Variants in ATR observed in about 807,000 individuals in gnomAD.
The protein encoded by ATR is ATR checkpoint kinase.
ATR carries 142 observed loss-of-function variants against 305.3 expected under a neutral mutation model. The ratio of observed to expected loss-of-function variants is 0.47; its 90% confidence interval spans 0.41 to 0.53. The LOEUF is 0.53. ATR is among the 20% of genes least tolerant of loss of function. ATR has a pLI of 0.00. For missense variants in ATR, 2,135 were observed against 3,133.1 expected (o/e 0.68, Z 7.60); for synonymous variants, 1,050 against 1,068.1 (o/e 0.98, Z 0.33).
chr3:142,459,533 CA>C, intron 42 of ATR, 150 bp from the exon 43 acceptor site: 1 of 864,134 alleles, frequency 1.2e-6, no homozygotes, highest in Non-Finnish European at 1.8e-6. Flanking sequence ...ATTAAGCATA[CA>C]TAAAGTTACT....
chr3:142,499,691 C>T lies in ATR; in HGVS notation c.5316G>A (p.Thr1772=), dbSNP rs146463402. 1.7e-5 allele frequency: 28 copies of T among 1,614,048 alleles called. No individual in the cohort carries two copies. Among genetic ancestry groups the T allele is most frequent in the East Asian group, 1.1e-4 (5 of 44,874 alleles). The change falls in exon 31 of 47, where the codon ACG becomes ACA. Residue 1772 remains threonine (T), a synonymous_variant. Coordinates refer to ENST00000350721, the MANE Select transcript of ATR (RefSeq NM_001184.4). ...ATTTCCAAGCTGCTTCCACTCTGTA[C>T]GTGTTTAATTCATCTGTCCACTCGG... ...NRSEWTDELN[T]YRVEAAWKLS...
intron 36 of ATR, among the ~76,000 whole-genome samples, chr3:142,475,416 A>G (rs2071411350): frequency 6.6e-6 from 1 of 152,184 alleles, no homozygotes; most frequent in African/African-American, 2.4e-5. Flanking sequence ...GTCCCTACAA[A>G]GGACATGAAC....
rs190002877 is a variant in ATR at position 142,502,666 on chromosome 3, A to G, written c.5288+696T>C. Among the ~76,000 whole-genome samples the G allele has an allele frequency of 1.0e-3, 157 of 152,310 alleles. 1 individual carries two copies. Among genetic ancestry groups the G allele is most frequent in the African/African-American group, 3.6e-3 (149 of 41,570 alleles). On this transcript the variant is annotated intron_variant, in intron 30 of 46. Transcript: ENST00000350721. Reference sequence around the variant, plus strand: ...AAAAACTTGGCTTCAGAGTAGTCCAAAAACAGTGGCCTGTATAATCTTTGT... The same window carrying G: ...AAAAACTTGGCTTCAGAGTAGTCCAGAAACAGTGGCCTGTATAATCTTTGT...
intron 46 of ATR, chr3:142,450,141 C>T (rs1054661013): frequency 3.0e-5 from 11 of 365,546 alleles, no homozygotes; most frequent in African/African-American, 1.9e-4. Context: ...AAGAGGAGGG[C>T]CACGGGGTGG....
At position 142,499,736 on chromosome 3, in the gene ATR, T is replaced by C. The variant is rs372991807; in HGVS notation, c.5289-18A>G. The C allele has an allele frequency of 1.3e-4, 201 of 1,605,206 alleles. No individual in the cohort carries two copies. The highest frequency in any genetic ancestry group is 1.7e-4 in the Non-Finnish European group (196 of 1,172,016). On this transcript the variant is annotated intron_variant, in intron 30 of 46. Transcript: ENST00000350721. ...ACTCGGACCTATTAAAAGAAACCCA[T>C]ATCAACTAAACTTTAATTTATTTAA...
chr3:142,486,240 A>G (rs952827626), intron 35 of ATR, among the ~76,000 whole-genome samples: 3 of 152,158 alleles, frequency 2.0e-5, no homozygotes, highest in Non-Finnish European at 4.4e-5. Flanking sequence ...CAGAAACCTT[A>G]AGTGAGATCT....
chr3:142,569,403 C>G (rs533009209), intron 1 of ATR, among the ~76,000 whole-genome samples: 1 of 152,138 alleles, frequency 6.6e-6, no homozygotes, highest in Non-Finnish European at 1.5e-5. Context: ...TCACTGCAGC[C>G]TCAACCTCCC....
intron 35 of ATR, among the ~76,000 whole-genome samples, chr3:142,489,473 G>A (rs968714264): frequency 2.0e-5 from 3 of 152,252 alleles, no homozygotes; most frequent in African/African-American, 7.2e-5. Context: ...TCACTCTCCT[G>A]CCAACTACCC....
chr3:142,542,515 T>C, intron 17 of ATR, 150 bp downstream of exon 17: 1 of 775,866 alleles, frequency 1.3e-6, no homozygotes. Flanking sequence ...TTCCAATTTT[T>C]AGACTCCCAA....
chr3:142,544,024 T>C (rs191738092), intron 16 of ATR, among the ~76,000 whole-genome samples: 1 of 152,240 alleles, frequency 6.6e-6, no homozygotes, highest in East Asian at 1.9e-4. Context: ...GGGCTTTAAG[T>C]CAGCCAAATC....
chr3:142,515,376 A>G lies in ATR; in HGVS notation c.4503+19T>C, dbSNP rs769921545. ...TTTAGAATTTCCATTCAGTTAACAAACTGAACAGGGTTTCTTACCTTTGTA... is the reference window on the plus strand; with the variant it reads ...TTTAGAATTTCCATTCAGTTAACAAGCTGAACAGGGTTTCTTACCTTTGTA... On this transcript the variant is annotated intron_variant, in intron 25 of 46. Coordinates refer to ENST00000350721, the MANE Select transcript of ATR (RefSeq NM_001184.4). 1.2e-6 allele frequency: 2 copies of G among 1,613,598 alleles called. No homozygotes were observed. Among genetic ancestry groups the G allele is most frequent in the Non-Finnish European group, 1.7e-6 (2 of 1,179,698 alleles).
At chr3:142,543,005 A>G (rs973676199) in intron 16 of ATR, among the ~76,000 whole-genome samples, 1 of 152,192 alleles carries the variant, frequency 6.6e-6, no homozygotes, top group Non-Finnish European at 1.5e-5. Context: ...GTACAGTACA[A>G]TGAGAAAATG....
chr3:142,561,973 A>G (rs946350752), intron 4 of ATR, among the ~76,000 whole-genome samples: 1 of 152,234 alleles, frequency 6.6e-6, no homozygotes, highest in African/African-American at 2.4e-5. Context: ...TGCAACAAAT[A>G]CATTTACACT....
In ATR at chr3:142,558,743, T is replaced by C. The variant is rs1384334751; in HGVS notation, c.1766A>G (p.Asp589Gly). ...NSSFEDHILE[D>G]LCGMLSLPWI... ...TGGAAGTGAGAGCATACCACATAAA[T>C]CTTCCAGGATATGATCTTCAAATGA... Residue 589 changes from aspartate (D) to glycine (G), a missense_variant, in exon 8 of 47, where the codon GAT becomes GGT. Coordinates refer to ENST00000350721, the MANE Select transcript of ATR (RefSeq NM_001184.4). 1.2e-6 allele frequency: 2 copies of C among 1,610,924 alleles called. No individual in the cohort carries two copies. Among genetic ancestry groups the C allele is most frequent in the Middle Eastern group, 1.7e-4 (1 of 6,054 alleles).
intron 41 of ATR, among the ~76,000 whole-genome samples, chr3:142,462,720 G>A (rs1038311016): frequency 4.6e-5 from 7 of 151,986 alleles, no homozygotes; most frequent in African/African-American, 9.7e-5. Context: ...CGCCTGCCTC[G>A]GCCTCCCAAA....
chr3:142,483,352 CAT>C (rs2030666702), intron 36 of ATR, among the ~76,000 whole-genome samples: 1 of 151,190 alleles, frequency 6.6e-6, no homozygotes, highest in Admixed American at 6.6e-5. Context: ...TTTATAAAAA[CAT>C]AAACAGTAGG....
chr3:142,475,303 G>A (rs2071407693), intron 36 of ATR, among the ~76,000 whole-genome samples: 1 of 151,984 alleles, frequency 6.6e-6, no homozygotes, highest in Non-Finnish European at 1.5e-5. Flanking sequence ...CTGTGTCCAA[G>A]TGTTCTCATT....
chr3:142,453,856 T>C (rs2070843421), intron 45 of ATR, among the ~76,000 whole-genome samples: 2 of 152,228 alleles, frequency 1.3e-5, no homozygotes, highest in African/African-American at 2.4e-5. Context: ...TCTTCAGTTA[T>C]CTCCGTCTCT....
intron 46 of ATR, chr3:142,450,909 C>T: frequency 8.0e-7 from 1 of 1,249,200 alleles, no homozygotes; most frequent in Non-Finnish European, 1.0e-6. Flanking sequence ...GTGAAAATAG[C>T]AGCTCACCCA....
Sources: allele counts gnomAD v4.1 joint callset (sites outside exome capture counted in the v4.1 genomes callset), GRCh38; gene constraint gnomAD v4.1.1; transcripts MANE v1.5; gene names NCBI Gene and HGNC (gene_info 2026-07-23, HGNC 2026-07-21).